Variants in STARD13 observed in about 807,000 individuals in gnomAD.
STARD13 encodes stAR-related lipid transfer protein 13.
A neutral mutation model predicts 106.4 loss-of-function variants in STARD13; 62 were observed. That is an observed-to-expected ratio of 0.58 (90% CI 0.48 to 0.72). The LOEUF is 0.72. Ranked by LOEUF, STARD13 falls within the 30% of genes least tolerant of loss-of-function variation. The pLI is 0.00. For synonymous variants in STARD13, 565 were observed against 553.0 expected (o/e 1.02, Z -0.31); for missense variants, 1,387 against 1,424.0 (o/e 0.97, Z 0.42).
At chr13:33,506,964 G>A in the STARD13 span, among the ~76,000 whole-genome samples, 10,077 of 152,088 alleles carry the variant, frequency 0.066, 856 homozygotes, top group African/African-American at 0.2. Flanking sequence ...AGCCAGGTGT[G>A]GTGGTATGTG....
the STARD13 span, among the ~76,000 whole-genome samples, chr13:33,388,066 A>G: frequency 1.3e-5 from 2 of 152,210 alleles, no homozygotes; most frequent in Admixed American, 6.5e-5. Context: ...GAGGGGAGCT[A>G]GAGTTCAATG....
chr13:33,326,919 C>T (rs559137708), intron 1 of STARD13, among the ~76,000 whole-genome samples: 2 of 152,318 alleles, frequency 1.3e-5, no homozygotes, highest in African/African-American at 4.8e-5. Context: ...GGTCACATGC[C>T]TGAGCCACGT....
At chr13:33,564,206 CAAAAAA>C in the STARD13 span, among the ~76,000 whole-genome samples, 2 of 53,870 alleles carry the variant, frequency 3.7e-5, no homozygotes, top group African/African-American at 1.3e-4. Flanking sequence ...GACTGTATCT[CAAAAAA>C]AAAAAAAAAA....
chr13:33,271,772 G>A (rs1891174920), intron 1 of STARD13, among the ~76,000 whole-genome samples: 1 of 151,910 alleles, frequency 6.6e-6, no homozygotes, highest in Non-Finnish European at 1.5e-5. Context: ...TGAGGGGTTG[G>A]TGAGGAAGGG....
chr13:33,667,390 T>C, the STARD13 span, among the ~76,000 whole-genome samples: 1 of 152,248 alleles, frequency 6.6e-6, no homozygotes, highest in South Asian at 2.1e-4. Flanking sequence ...ATCTGGTTTT[T>C]CAGAAAAATG....
the STARD13 span, among the ~76,000 whole-genome samples, chr13:33,382,562 A>G: frequency 1.3e-5 from 2 of 152,214 alleles, no homozygotes; most frequent in African/African-American, 2.4e-5. Flanking sequence ...TCGATATTGC[A>G]TTGTAGCATC....
chr13:33,430,372 A>G, the STARD13 span, among the ~76,000 whole-genome samples: 2 of 152,214 alleles, frequency 1.3e-5, no homozygotes, highest in African/African-American at 4.8e-5. Flanking sequence ...TACACATACT[A>G]TGTACCCAGA....
the STARD13 span, among the ~76,000 whole-genome samples, chr13:33,634,275 G>C: frequency 6.6e-6 from 1 of 152,136 alleles, no homozygotes; most frequent in Non-Finnish European, 1.5e-5. Flanking sequence ...ACTCCTTTAA[G>C]GAGCAGATCA....
chr13:33,499,611 TTCTTCTTCTTCTTCTTCTTC>T, the STARD13 span, among the ~76,000 whole-genome samples: 2 of 76,974 alleles, frequency 2.6e-5, no homozygotes, highest in South Asian at 4.7e-4. Context: ...TTCTTTCTTC[TTCTTCTTCTTCTTCTTCTTC>T]TTCTTCTTCT....
intron 3 of STARD13, among the ~76,000 whole-genome samples, chr13:33,163,181 C>A (rs1236750168): frequency 2.6e-5 from 4 of 152,060 alleles, no homozygotes; most frequent in Non-Finnish European, 5.9e-5. Context: ...AGGAAACCGC[C>A]CTCATGATTC....
the STARD13 span, among the ~76,000 whole-genome samples, chr13:33,589,978 T>G: frequency 6.6e-6 from 1 of 152,222 alleles, no homozygotes; most frequent in Admixed American, 6.5e-5. Context: ...TGAATCTGGG[T>G]GCTCCGGTAT....
chr13:33,529,167 C>T, the STARD13 span, among the ~76,000 whole-genome samples: 1 of 152,046 alleles, frequency 6.6e-6, no homozygotes, highest in Non-Finnish European at 1.5e-5. Flanking sequence ...GAACCAGGGA[C>T]CAAACATAAC....
chr13:33,185,884 G>A (rs1337205730), intron 1 of STARD13: 2 of 1,613,978 alleles, frequency 1.2e-6, no homozygotes, highest in Non-Finnish European at 8.5e-7. Context: ...TTACCCCGGC[G>A]CTGGAATGTG....
intron 1 of STARD13, chr13:33,271,263 C>A (rs1011893844): frequency 1.3e-5 from 2 of 152,256 alleles, no homozygotes; most frequent in African/African-American, 4.8e-5. Context: ...TCCTTTAATA[C>A]ACACTTTTCT....
the STARD13 span, among the ~76,000 whole-genome samples, chr13:33,547,611 G>C: frequency 6.6e-6 from 1 of 152,122 alleles, no homozygotes; most frequent in East Asian, 1.9e-4. Flanking sequence ...AAAGGAATTG[G>C]GATGTAAAAC....
the STARD13 span, among the ~76,000 whole-genome samples, chr13:33,577,084 C>T: frequency 6.6e-6 from 1 of 152,144 alleles, no homozygotes; most frequent in Non-Finnish European, 1.5e-5. Flanking sequence ...TAATCATTAC[C>T]ACAATCCTAA....
chr13:33,428,009 T>G, the STARD13 span, among the ~76,000 whole-genome samples: 1 of 150,408 alleles, frequency 6.6e-6, no homozygotes, highest in East Asian at 1.9e-4. Context: ...AATAGAGAAC[T>G]CGGACATAAA....
At chr13:33,178,488 A>ATCTCATATGG (rs1258108280) in intron 1 of STARD13, among the ~76,000 whole-genome samples, 9 of 152,236 alleles carry the variant, frequency 5.9e-5, no homozygotes, top group African/African-American at 1.9e-4. Context: ...ATTAAGACAC[A>ATCTCATATGG]TCTCATATGG....
intron 1 of STARD13, among the ~76,000 whole-genome samples, chr13:33,214,000 C>T (rs1887879214): frequency 6.6e-6 from 1 of 152,124 alleles, no homozygotes; most frequent in Admixed American, 6.5e-5. Context: ...GGATTTCTTC[C>T]ACTATTTTGA....
Sources: allele counts gnomAD v4.1 joint callset (sites outside exome capture counted in the v4.1 genomes callset), GRCh38; gene constraint gnomAD v4.1.1; transcripts MANE v1.5; gene names NCBI Gene and HGNC (gene_info 2026-07-23, HGNC 2026-07-21).